Variants in SSPN observed in about 807,000 individuals in gnomAD.
SSPN encodes the protein K-ras oncogene-associated protein.
SSPN carries 15 observed loss-of-function variants against 19.1 expected under a neutral mutation model. That is an observed-to-expected ratio of 0.78 (90% CI 0.52 to 1.21). The LOEUF is 1.21. Ranked by LOEUF, SSPN falls within the 50% of genes most tolerant of loss-of-function variation. The pLI is 0.00. For missense variants in SSPN, 291 were observed against 314.0 expected, an observed-to-expected ratio of 0.93 and a Z score of 0.55; for synonymous variants, 147 against 140.3, an observed-to-expected ratio of 1.05 and a Z score of -0.34.
chr12:26,163,032 C>T (rs928682145), intron 1 of SSPN, among the ~76,000 whole-genome samples: 5 of 146,060 alleles, frequency 3.4e-5, no homozygotes, highest in Non-Finnish European at 7.5e-5. Context: ...TGCTTCAAGA[C>T]GTGTGTGTGT....
intron 1 of SSPN, among the ~76,000 whole-genome samples, chr12:26,162,628 C>A (rs1379484127): frequency 6.6e-6 from 1 of 152,144 alleles, no homozygotes; most frequent in Non-Finnish European, 1.5e-5. Flanking sequence ...TATTTTGAAA[C>A]CTGTAACTTT....
intron 1 of SSPN, chr12:26,122,597 C>A: frequency 8.9e-7 from 1 of 1,121,154 alleles, no homozygotes; most frequent in East Asian, 4.9e-5. Flanking sequence ...CAGGGTCGGG[C>A]CCCAGAAGCG....
chr12:26,134,640 C>G (rs1369864733), intron 1 of SSPN, among the ~76,000 whole-genome samples: 2 of 152,254 alleles, frequency 1.3e-5, no homozygotes, highest in Admixed American at 1.3e-4. Context: ...AATGACAAGT[C>G]ATAACCAAGC....
At chr12:26,134,838 A>G (rs55678992) in intron 1 of SSPN, 19,502 of 152,200 alleles carry the variant, frequency 0.13, 1,335 homozygotes, top group Non-Finnish European at 0.14. Context: ...ATTAGAAAGT[A>G]GGTACCATGA....
intron 1 of SSPN, among the ~76,000 whole-genome samples, chr12:26,222,758 C>T (rs1198448449): frequency 6.6e-6 from 1 of 152,112 alleles, no homozygotes; most frequent in Non-Finnish European, 1.5e-5. Context: ...AAATAAAATG[C>T]GGTTTAAATA....
intron 1 of SSPN, among the ~76,000 whole-genome samples, chr12:26,146,489 C>G (rs1008208762): frequency 1.3e-5 from 2 of 152,062 alleles, no homozygotes; most frequent in Admixed American, 1.3e-4. Context: ...ACAGATTCAC[C>G]TAAACTTTAG....
intron 1 of SSPN, among the ~76,000 whole-genome samples, chr12:26,186,033 A>G (rs541429824): frequency 5.9e-5 from 9 of 152,336 alleles, no homozygotes; most frequent in African/African-American, 1.2e-4. Context: ...TAAGCAGTCT[A>G]CTACTGAGAA....
intron 1 of SSPN, among the ~76,000 whole-genome samples, chr12:26,150,866 C>T (rs1591850987): frequency 6.6e-6 from 1 of 152,134 alleles, no homozygotes; most frequent in East Asian, 1.9e-4. Context: ...CTGGGAAAGT[C>T]AGAGCCAGGC....
At chr12:26,199,874 G>A (rs893120827) in intron 1 of SSPN, among the ~76,000 whole-genome samples, 10 of 152,218 alleles carry the variant, frequency 6.6e-5, no homozygotes, top group Non-Finnish European at 1.3e-4. Context: ...TGATGGACAT[G>A]TGCCCTTATT....
At chr12:26,185,480 C>T (rs2094863128) in intron 1 of SSPN, among the ~76,000 whole-genome samples, 1 of 152,150 alleles carries the variant, frequency 6.6e-6, no homozygotes, top group African/African-American at 2.4e-5. Context: ...CAGCTCTTCC[C>T]CCACTCACAC....
intron 2 of SSPN, among the ~76,000 whole-genome samples, chr12:26,226,344 C>T (rs1456940917): frequency 1.3e-5 from 2 of 152,146 alleles, no homozygotes; most frequent in African/African-American, 2.4e-5. Context: ...GCCCCCATCT[C>T]GGGACCCTGG....
intron 1 of SSPN, chr12:26,122,285 GGCGGCGGCGGCGGCA>G (rs1944314647): frequency 6.1e-5 from 71 of 1,167,598 alleles, no homozygotes; most frequent in South Asian, 1.7e-4. Context: ...AGGGGAACGC[GGCGGCGGCGGCGGCA>G]GCGGCGGCGG....
intron 1 of SSPN, among the ~76,000 whole-genome samples, chr12:26,172,463 CTG>C (rs918130878): frequency 2.6e-5 from 4 of 152,180 alleles, no homozygotes; most frequent in Admixed American, 2.6e-4. Context: ...CATTTTTAGA[CTG>C]TGTCTAACAA....
chr12:26,176,203 CTG>C (rs1175874665), intron 1 of SSPN, among the ~76,000 whole-genome samples: 3 of 152,198 alleles, frequency 2.0e-5, no homozygotes, highest in Non-Finnish European at 4.4e-5. Flanking sequence ...CTCTCGGTTT[CTG>C]TCTGTCTCTC....
In SSPN at chr12:26,175,847, T is replaced by TC. The variant is rs531558885; in HGVS notation, c.-30-48446_-30-48445insC. 4.6e-3 allele frequency among the ~76,000 whole-genome samples: 695 copies of TC among 152,100 alleles called. 3 individuals are homozygous for TC. Among genetic ancestry groups the TC allele is most frequent in the African/African-American group, 0.015 (629 of 41,534 alleles). Reference sequence around the variant, plus strand: ...TAAAAAATTTATTTTGAGTTTTTTTTTTTTTTTGAGACAAAGTTTTGCTCT... The same window carrying TC: ...TAAAAAATTTATTTTGAGTTTTTTTTCTTTTTTTGAGACAAAGTTTTGCTCT... On this transcript the variant is annotated intron_variant, in intron 1 of 2. Coordinates refer to the SSPN transcript ENST00000538142.
intron 1 of SSPN, among the ~76,000 whole-genome samples, chr12:26,139,819 C>T (rs1007082542): frequency 2.0e-5 from 3 of 152,158 alleles, no homozygotes; most frequent in Non-Finnish European, 4.4e-5. Context: ...ATTTTTATAA[C>T]TTAATTCGTC....
At chr12:26,174,554 TC>T (rs1256356982) in intron 1 of SSPN, among the ~76,000 whole-genome samples, 248 of 100,666 alleles carry the variant, frequency 2.5e-3, no homozygotes, top group African/African-American at 0.011. Context: ...AGAATCTCAC[TC>T]TATTGCCCAT....
chr12:26,122,528 G>A (rs759277926), intron 1 of SSPN: 7 of 1,279,194 alleles, frequency 5.5e-6, no homozygotes, highest in Non-Finnish European at 6.0e-6. Flanking sequence ...CGCCTCCGCC[G>A]AACGCCACCA....
chr12:26,156,481 C>A (rs1415811641), intron 1 of SSPN, among the ~76,000 whole-genome samples: 1 of 152,210 alleles, frequency 6.6e-6, no homozygotes, highest in Non-Finnish European at 1.5e-5. Context: ...ATTAGCCTCA[C>A]ACCACCTGTT....
Sources: allele counts gnomAD v4.1 joint callset (sites outside exome capture counted in the v4.1 genomes callset), GRCh38; gene constraint gnomAD v4.1.1; transcripts MANE v1.5; gene names NCBI Gene and HGNC (gene_info 2026-07-23, HGNC 2026-07-21).